The following SORCS2 variants were observed in gnomAD, a reference collection of about 807,000 sequenced individuals.
The protein encoded by SORCS2 is sortilin related VPS10 domain containing receptor 2, also known as VPS10 domain-containing receptor SorCS2.
Under a neutral mutation model 141.6 loss-of-function variants are expected in SORCS2, and 100 were observed. The ratio of observed to expected loss-of-function variants is 0.71; its 90% CI spans 0.60 to 0.83. The LOEUF (loss-of-function observed/expected upper bound fraction) is 0.83, where lower values mean the gene tolerates loss of function less well. Among genes scored for constraint, SORCS2 ranks in the 40% least tolerant of loss-of-function variants. The probability of loss-of-function intolerance (pLI) is 0.00; values close to 1 mark genes in which losing one functional copy is unlikely to be tolerated. For missense variants in SORCS2, 1,646 were observed against 1,560.2 expected, an observed-to-expected ratio of 1.05 and a Z score of -0.93; for synonymous variants, 789 against 676.9, an observed-to-expected ratio of 1.17 and a Z score of -2.57.
At chr4:7,505,903 G>A (rs944205027) in intron 2 of SORCS2, among the ~76,000 whole-genome samples, 24 of 152,226 alleles carry the variant, frequency 1.6e-4, no homozygotes, top group Non-Finnish European at 2.9e-4. Context: ...TGAGAATCAG[G>A]CCTGGTGTGG....
At chr4:7,673,771 A>T (rs919635579) in intron 8 of SORCS2, among the ~76,000 whole-genome samples, 1 of 152,186 alleles carries the variant, frequency 6.6e-6, no homozygotes, top group Non-Finnish European at 1.5e-5. Context: ...GACTTGCTGC[A>T]ATCGCTGTAA....
intron 2 of SORCS2, among the ~76,000 whole-genome samples, chr4:7,515,709 A>G (rs1310016092): frequency 6.7e-6 from 1 of 149,748 alleles, no homozygotes; most frequent in Non-Finnish European, 1.5e-5. Flanking sequence ...GCTGCATGCA[A>G]GGTGGGGGTG....
chr4:7,662,042 T>C (rs1015122640), intron 6 of SORCS2, among the ~76,000 whole-genome samples: 38 of 151,992 alleles, frequency 2.5e-4, no homozygotes, highest in African/African-American at 8.9e-4. Flanking sequence ...AAAACAGAAA[T>C]GCCGGCATCA....
chr4:7,255,568 C>T (rs111404387), intron 1 of SORCS2, among the ~76,000 whole-genome samples: 4,759 of 152,198 alleles, frequency 0.031, 275 homozygotes, highest in African/African-American at 0.11. Context: ...TCCCTGTCCA[C>T]GTGGTCCAGA....
intron 1 of SORCS2, among the ~76,000 whole-genome samples, chr4:7,354,117 G>A (rs970270836): frequency 6.6e-6 from 1 of 152,110 alleles, no homozygotes; most frequent in Non-Finnish European, 1.5e-5. Flanking sequence ...CTTCTGTTTT[G>A]TTCTCTGCAC....
chr4:7,328,848 C>T (rs764688167), intron 1 of SORCS2, among the ~76,000 whole-genome samples: 3 of 152,222 alleles, frequency 2.0e-5, no homozygotes, highest in East Asian at 1.9e-4. Flanking sequence ...CCGTCCCTTC[C>T]GGCCTGAGGA....
At chr4:7,342,420 A>G (rs1315993686) in intron 1 of SORCS2, among the ~76,000 whole-genome samples, 1 of 152,154 alleles carries the variant, frequency 6.6e-6, no homozygotes, top group Non-Finnish European at 1.5e-5. Context: ...TTCATTTGGC[A>G]TTTAGCCTTG....
intron 1 of SORCS2, among the ~76,000 whole-genome samples, chr4:7,223,082 A>C (rs537212563): frequency 6.6e-6 from 1 of 152,216 alleles, no homozygotes; most frequent in South Asian, 2.1e-4. Context: ...TATTAAAAAC[A>C]ACAACCAACT....
chr4:7,388,066 A>G (rs796855094), intron 1 of SORCS2, among the ~76,000 whole-genome samples: 2 of 151,480 alleles, frequency 1.3e-5, no homozygotes, highest in East Asian at 3.9e-4. Context: ...ACATACAGTT[A>G]CACAGAGATA....
At chr4:7,283,322 C>T (rs556147620) in intron 1 of SORCS2, among the ~76,000 whole-genome samples, 8 of 152,302 alleles carry the variant, frequency 5.3e-5, no homozygotes, top group South Asian at 4.1e-4. Flanking sequence ...GAAGAGGAGA[C>T]GTGAATGTAG....
intron 3 of SORCS2, among the ~76,000 whole-genome samples, chr4:7,632,428 G>A (rs1290706258): frequency 6.6e-6 from 1 of 152,162 alleles, no homozygotes; most frequent in Non-Finnish European, 1.5e-5. Flanking sequence ...CGCCTGGCAC[G>A]ATGCTAATTG....
intron 2 of SORCS2, among the ~76,000 whole-genome samples, chr4:7,438,674 C>T (rs1727460270): frequency 1.3e-5 from 2 of 151,892 alleles, no homozygotes; most frequent in Non-Finnish European, 2.9e-5. Context: ...CTTCCTCTTT[C>T]CTTTTTTCTT....
chr4:7,704,224 G>C lies in SORCS2; in HGVS notation c.1808G>C (p.Ser603Thr). 1 of 1,613,220 alleles carries C rather than the reference G, an allele frequency of 6.2e-7. No individual in the cohort carries two copies. The highest frequency in any genetic ancestry group is 8.5e-7 in the Non-Finnish European group (1 of 1,179,676). Residue 603 changes from serine (S) to threonine (T), a missense_variant, in exon 14 of 27, where the codon AGC becomes ACC. Ser to Thr is a moderately conservative substitution (Grantham distance 58). Transcript: ENST00000507866. The stretch of plus-strand genomic sequence containing the variant: ...ACCTGGAGCACGCACAACTTCACCA[G>C]CACCTCGGTGTTTGTGGACGGGCTG... Reference protein sequence around the residue: ...GLTWSTHNFTSTSVFVDGLLS... With the variant: ...GLTWSTHNFTTTSVFVDGLLS...
chr4:7,613,810 T>G (rs1430155023), intron 3 of SORCS2, among the ~76,000 whole-genome samples: 1 of 151,908 alleles, frequency 6.6e-6, no homozygotes, highest in Non-Finnish European at 1.5e-5. Flanking sequence ...AATCTATCTT[T>G]CCATCCATTT....
chr4:7,302,081 G>A (rs1169340962), intron 1 of SORCS2, among the ~76,000 whole-genome samples: 4 of 152,208 alleles, frequency 2.6e-5, no homozygotes, highest in South Asian at 2.1e-4. Flanking sequence ...CCGGCTTGCC[G>A]GTCTTAGCAC....
At chr4:7,386,071 GCATACA>G (rs1368305511) in intron 1 of SORCS2, among the ~76,000 whole-genome samples, 4 of 151,004 alleles carry the variant, frequency 2.6e-5, no homozygotes, top group African/African-American at 7.3e-5. Flanking sequence ...TGTTGCCTGC[GCATACA>G]CATACACATA....
intron 1 of SORCS2, among the ~76,000 whole-genome samples, chr4:7,293,672 G>C (rs752339032): frequency 6.6e-6 from 1 of 152,220 alleles, no homozygotes; most frequent in Non-Finnish European, 1.5e-5. Flanking sequence ...CAGGTGGGCT[G>C]TGCTGGGGGA....
chr4:7,662,224 T>TC (rs1242184888), intron 6 of SORCS2, among the ~76,000 whole-genome samples: 21 of 76,996 alleles, frequency 2.7e-4, no homozygotes, highest in African/African-American at 8.0e-4. Flanking sequence ...CTCCCCACCC[T>TC]CCCCCCCCTC....
chr4:7,435,015 C>T, intron 2 of SORCS2: 1 of 1,131,642 alleles, frequency 8.8e-7, no homozygotes, highest in Non-Finnish European at 1.2e-6. Flanking sequence ...GACTCACACC[C>T]TGTGCCCGGG....
Sources: gnomAD v4.1 joint callset for allele counts (sites outside exome capture counted in the v4.1 genomes callset) on GRCh38, gnomAD v4.1.1 for gene constraint, MANE v1.5 for transcripts, NCBI Gene and HGNC (gene_info 2026-07-23, HGNC 2026-07-21) for gene names.